The following CDC5L variants were observed in gnomAD, a reference collection of about 807,000 sequenced individuals.
CDC5L encodes the protein cell division cycle 5-like protein.
In CDC5L, 18 loss-of-function variants were observed where a neutral mutation model predicts 104.1. The observed-to-expected ratio is 0.17, with a 90% CI of 0.12 to 0.26. The LOEUF is 0.26. CDC5L is among the 10% of genes least tolerant of loss of function. The pLI is 1.00. For missense variants in CDC5L, 673 were observed against 956.9 expected (o/e 0.70, Z 3.91); for synonymous variants, 331 against 322.7 (o/e 1.03, Z -0.28).
intron 13 of CDC5L, among the ~76,000 whole-genome samples, chr6:44,427,413 C>G (rs1365775221): frequency 6.6e-6 from 1 of 152,008 alleles, no homozygotes; most frequent in Non-Finnish European, 1.5e-5. Context: ...AGCCTTCAGC[C>G]CTGAGGAGCA....
At chr6:44,428,197 T>C (rs549499596) in intron 13 of CDC5L, among the ~76,000 whole-genome samples, 1 of 152,222 alleles carries the variant, frequency 6.6e-6, no homozygotes, top group South Asian at 2.1e-4. Context: ...AACTGTCAGA[T>C]TTTCTTTTTC....
At chr6:44,396,636 C>T (rs951498184) in intron 5 of CDC5L, among the ~76,000 whole-genome samples, 196 bp downstream of exon 5, 1 of 151,842 alleles carries the variant, frequency 6.6e-6, no homozygotes, top group Non-Finnish European at 1.5e-5. Flanking sequence ...GGAGATAGCT[C>T]CAGATCTTAC....
At chr6:44,399,388 A>C (rs932004565) in intron 5 of CDC5L, among the ~76,000 whole-genome samples, 1 of 151,692 alleles carries the variant, frequency 6.6e-6, no homozygotes, top group Non-Finnish European at 1.5e-5. Context: ...TTTTCAATAA[A>C]TTTTTCAAAA....
Position 44,426,612 on chromosome 6 carries a change from C to G in CDC5L, c.1781C>G (p.Pro594Arg), listed in dbSNP as rs758055277. The G allele has an allele frequency of 8.1e-6, 13 of 1,613,402 alleles. No individual in the cohort carries two copies. In the South Asian group the frequency reaches 1.4e-4, roughly 18 times the overall value. Residue 594 changes from proline to arginine, a missense_variant, in exon 13 of 16, where the codon CCA becomes CGA. Pro to Arg is a moderately radical substitution (Grantham distance 103). This residue lies in a region of CDC5L where 578 missense variants were observed against 737.0 expected (regional missense o/e 0.78). Coordinates refer to ENST00000371477, the MANE Select transcript of CDC5L (RefSeq NM_001253.4). ...HYDLLHHPYE[P>R]SGNKKGKTVG... ...GACCTTCTACATCACCCTTATGAAC[C>G]ATCTGGAAATAAAAAAGGCAAAACT...
At position 44,446,888 on chromosome 6, in the gene CDC5L, G is replaced by C. The variant is rs1793476182; in HGVS notation, c.*177G>C. 5 of 387,092 alleles carry C rather than the reference G, an allele frequency of 1.3e-5. No homozygotes were observed. The highest frequency in any genetic ancestry group is 2.1e-5 in the African/African-American group (1 of 48,106). 24.0% of individuals were successfully genotyped at this position (387,092 alleles called of 1,614,324 possible). On this transcript the variant is annotated 3_prime_UTR_variant, in exon 16 of 16. Coordinates refer to ENST00000371477, the MANE Select transcript of CDC5L (RefSeq NM_001253.4). ...GTGTATAAAGACCTTAACTCCACAG[G>C]ACGGACATTTTAGAGTTTAAATTAT... is the stretch of plus-strand genomic sequence containing the variant.
chr6:44,422,584 C>T, intron 9 of CDC5L, 63 bp from the exon 10 acceptor site: 3 of 992,860 alleles, frequency 3.0e-6, no homozygotes, highest in South Asian at 2.2e-5. Context: ...ATGTGAAAAA[C>T]ATTTGAAAGC....
chr6:44,418,625 T>C (rs1020236166), intron 8 of CDC5L, among the ~76,000 whole-genome samples: 13 of 152,212 alleles, frequency 8.5e-5, no homozygotes, highest in Non-Finnish European at 1.8e-4. Flanking sequence ...AGTGTAAAAG[T>C]GTTCCTATTT....
At chr6:44,418,216 G>A (rs7753693) in intron 8 of CDC5L, among the ~76,000 whole-genome samples, 150,975 of 152,024 alleles carry the variant, frequency 0.99, 74,973 homozygotes, top group East Asian at 1. Context: ...TCATTGTTCA[G>A]TTCCCACCTA....
intron 8 of CDC5L, among the ~76,000 whole-genome samples, chr6:44,416,633 A>G (rs1286030343): frequency 6.6e-6 from 1 of 152,234 alleles, no homozygotes; most frequent in Non-Finnish European, 1.5e-5. Context: ...GAAACATCCC[A>G]GTGTAACCAC....
intron 14 of CDC5L, among the ~76,000 whole-genome samples, chr6:44,445,162 A>G (rs1793390474): frequency 6.6e-6 from 1 of 152,100 alleles, no homozygotes; most frequent in Admixed American, 6.6e-5. Context: ...TTAGTGATCT[A>G]GGAAGACTTG....
At chr6:44,415,003 A>G (rs1791845689) in intron 8 of CDC5L, among the ~76,000 whole-genome samples, 3 of 152,144 alleles carry the variant, frequency 2.0e-5, no homozygotes, top group Admixed American at 1.3e-4. Context: ...GTGGATATCC[A>G]GTTTTCCTAA....
chr6:44,411,298 A>G (rs1177026068), intron 8 of CDC5L, among the ~76,000 whole-genome samples: 1 of 151,516 alleles, frequency 6.6e-6, no homozygotes, highest in Non-Finnish European at 1.5e-5. Flanking sequence ...TCACTGGGAG[A>G]GTTCTTGATG....
At chr6:44,392,625 C>A in intron 2 of CDC5L, 42 bp from the exon 3 acceptor site, 1 of 1,556,858 alleles carries the variant, frequency 6.4e-7, no homozygotes, top group Non-Finnish European at 8.8e-7. Flanking sequence ...GATATTTATG[C>A]CAGGTAACTG....
Position 44,395,953 on chromosome 6 carries a change from G to A in CDC5L, c.440-388G>A, listed in dbSNP as rs532804211. Among the ~76,000 whole-genome samples, 88 of 152,346 alleles carry A rather than the reference G, an allele frequency of 5.8e-4. 1 individual carries two copies. The South Asian group carries it at 0.017, about 30-fold the overall frequency. The stretch of plus-strand genomic sequence containing the variant: ...TTTACCCTATTTCACAATTTGTGCT[G>A]TGCCAGTTAGTTGATAATAATGAAG... On this transcript the variant is annotated intron_variant, in intron 4 of 15. Transcript: ENST00000371477.
chr6:44,392,000 CTGT>C (rs35762643), intron 2 of CDC5L, among the ~76,000 whole-genome samples: 109,092 of 151,510 alleles, frequency 0.72, 41,215 homozygotes, highest in Non-Finnish European at 0.86. Context: ...TAGAAATTGG[CTGT>C]TAAGAGGAAG....
intron 14 of CDC5L, among the ~76,000 whole-genome samples, chr6:44,440,608 AT>A (rs367646432): frequency 0.014 from 2,187 of 151,628 alleles, 59 homozygotes; most frequent in African/African-American, 0.05. Flanking sequence ...GTAAGATGTG[AT>A]TTTTTCCATA....
At chr6:44,428,975 T>TAAC (rs1464246896) in intron 13 of CDC5L, among the ~76,000 whole-genome samples, 2 of 151,662 alleles carry the variant, frequency 1.3e-5, no homozygotes, top group Non-Finnish European at 2.9e-5. Flanking sequence ...GATGTGGTCT[T>TAAC]AACAAGTGGT....
At chr6:44,406,949 A>C (rs938896718) in intron 7 of CDC5L, among the ~76,000 whole-genome samples, 1 of 151,640 alleles carries the variant, frequency 6.6e-6, no homozygotes, top group East Asian at 1.9e-4. Context: ...AACAAAAAAA[A>C]CCCCACAAGT....
intron 14 of CDC5L, among the ~76,000 whole-genome samples, chr6:44,443,375 A>C (rs1383394879): frequency 6.7e-6 from 1 of 150,342 alleles, no homozygotes; most frequent in African/African-American, 2.5e-5. Flanking sequence ...GGCTTCCTGG[A>C]TCTAGCTTTC....
Sources: allele counts gnomAD v4.1 joint callset (sites outside exome capture counted in the v4.1 genomes callset), GRCh38; gene constraint gnomAD v4.1.1; regional missense constraint gnomAD v4.1.1; transcripts MANE v1.5; gene names NCBI Gene and HGNC (gene_info 2026-07-23, HGNC 2026-07-21).